The following RBFOX3 variants were observed in gnomAD, a reference collection of about 807,000 sequenced individuals.
The protein encoded by RBFOX3 is RNA binding fox-1 homolog 3, also known as RNA binding protein fox-1 homolog 3.
Under a neutral mutation model 48.7 loss-of-function variants are expected in RBFOX3, and 17 were observed. That is an observed-to-expected ratio of 0.35 (90% CI 0.24 to 0.52). The LOEUF is 0.52. Ranked by LOEUF, RBFOX3 falls within the 20% of genes least tolerant of loss-of-function variation. The probability of loss-of-function intolerance (pLI) is 0.94; values close to 1 mark genes in which losing one functional copy is unlikely to be tolerated. For synonymous variants in RBFOX3, 212 were observed against 209.5 expected, an observed-to-expected ratio of 1.01 and a Z score of -0.10; for missense variants, 382 against 497.5, an observed-to-expected ratio of 0.77 and a Z score of 2.21.
At chr17:79,508,712 G>C (rs1437584339) in intron 1 of RBFOX3, 1 of 152,096 alleles carries the variant, frequency 6.6e-6, no homozygotes, top group Admixed American at 6.6e-5. Context: ...GAGCCCACCC[G>C]GTATACCGTG....
intron 3 of RBFOX3, among the ~76,000 whole-genome samples, chr17:79,241,414 C>G (rs2062358080): frequency 6.6e-6 from 1 of 152,082 alleles, no homozygotes; most frequent in Non-Finnish European, 1.5e-5. Flanking sequence ...CTTCTTAACT[C>G]CATTGGCAAG....
At chr17:79,417,637 C>A (rs1047041461) in intron 2 of RBFOX3, among the ~76,000 whole-genome samples, 15 of 152,176 alleles carry the variant, frequency 9.9e-5, no homozygotes, top group African/African-American at 3.6e-4. Flanking sequence ...TGGAAGATGG[C>A]GCCGCTGCTG....
Position 79,335,144 on chromosome 17 carries a change from G to A in RBFOX3, c.-174-27320C>T, listed in dbSNP as rs538887155. Among the ~76,000 whole-genome samples, 3 of 145,496 alleles carry A rather than the reference G, an allele frequency of 2.1e-5. No individual in the cohort carries two copies. In the South Asian group the frequency reaches 6.6e-4, roughly 32 times the overall value. ...TGTGGGCCTCTCCCTGTGTAGACGA[G>A]GCTGCCAGAGGATGGGGCTGGCTGG... is the stretch of plus-strand genomic sequence containing the variant. On this transcript the variant is annotated intron_variant, in intron 2 of 14. Transcript: ENST00000693108.
intron 1 of RBFOX3, among the ~76,000 whole-genome samples, chr17:79,597,647 G>A (rs1246915618): frequency 6.6e-6 from 1 of 152,206 alleles, no homozygotes; most frequent in Non-Finnish European, 1.5e-5. Flanking sequence ...ACACTTAGAA[G>A]GTACCGCCTG....
chr17:79,237,159 G>A (rs770068496), intron 3 of RBFOX3, among the ~76,000 whole-genome samples: 2 of 152,134 alleles, frequency 1.3e-5, no homozygotes, highest in African/African-American at 2.4e-5. Flanking sequence ...GTATGTGTGC[G>A]TATTTTTTAA....
chr17:79,604,566 C>T (rs1422713391), intron 1 of RBFOX3, among the ~76,000 whole-genome samples: 1 of 152,240 alleles, frequency 6.6e-6, no homozygotes, highest in East Asian at 1.9e-4. Context: ...GGAACAGACC[C>T]TGGAGCTTCA....
At position 79,483,458 on chromosome 17, in the gene RBFOX3, C is replaced by CCCTG. The variant is rs1598889451; in HGVS notation, c.-319-864_-319-861dup. Among the ~76,000 whole-genome samples, 17 of 124,878 alleles carry CCCTG rather than the reference C, an allele frequency of 1.4e-4. No individual in the cohort carries two copies. The South Asian group carries it at 2.2e-3, about 16-fold the overall frequency. The allele number at this position is 124,878 out of a possible 152,430, so 81.9% of individuals were successfully genotyped here. The stretch of plus-strand genomic sequence containing the variant: ...TGCAGGCCTCCCTCCCTCCCTCCCT[C>CCCTG]CCTGCCTGCCTGCCTACCTGCCTCG... On this transcript the variant is annotated intron_variant, in intron 1 of 14. Coordinates refer to ENST00000693108, the MANE Select transcript of RBFOX3 (RefSeq NM_001350451.2).
intron 9 of RBFOX3, chr17:79,098,549 T>C (rs943265023): frequency 6.6e-6 from 1 of 152,140 alleles, no homozygotes; most frequent in Non-Finnish European, 1.5e-5. Flanking sequence ...GAGCCAGGGA[T>C]CCCAGCCTGT....
the RBFOX3 span, among the ~76,000 whole-genome samples, chr17:79,620,084 AGCACATGCACACATGTGTGCATGCAC>A: frequency 3.2e-5 from 4 of 125,274 alleles, no homozygotes; most frequent in African/African-American, 1.3e-4. Flanking sequence ...CATGCACACA[AGCACATGCACACATGTGTGCATGCAC>A]GCATATGCAC....
At chr17:79,530,360 C>T (rs1326144625) in intron 1 of RBFOX3, among the ~76,000 whole-genome samples, 3 of 152,310 alleles carry the variant, frequency 2.0e-5, no homozygotes, top group South Asian at 4.1e-4. Context: ...AAATCCCCCA[C>T]GCATGGCACC....
chr17:79,104,100 C>T lies in RBFOX3; in HGVS notation c.387G>A (p.Glu129=). ...FGQFGKILDV[E]IIFNERGSKG... ...TGGAGCCCCGCTCGTTAAAAATGATCTCCACGTCTAAAATTTTTCCGAATT... is the reference window on the plus strand; with the variant it reads ...TGGAGCCCCGCTCGTTAAAAATGATTTCCACGTCTAAAATTTTTCCGAATT... Residue 129 remains glutamate (E), a synonymous_variant, in exon 7 of 15, where the codon GAG becomes GAA. Transcript: ENST00000693108. 1.3e-6 allele frequency: 2 copies of T among 1,551,328 alleles called. No homozygotes were observed. Among genetic ancestry groups the T allele is most frequent in the Non-Finnish European group, 1.7e-6 (2 of 1,146,922 alleles).
Position 79,364,311 on chromosome 17 carries a change from G to A in RBFOX3, c.-174-56487C>T, listed in dbSNP as rs1049717526. 6.6e-6 allele frequency among the ~76,000 whole-genome samples: 1 copy of A among 152,242 alleles called. No individual in the cohort carries two copies. Among genetic ancestry groups the A allele is most frequent in the Admixed American group, 6.5e-5 (1 of 15,286 alleles). On this transcript the variant is annotated intron_variant, in intron 2 of 14. Coordinates refer to ENST00000693108, the MANE Select transcript of RBFOX3 (RefSeq NM_001350451.2). The surrounding 1 kb of genome is among the most constrained non-coding windows in gnomAD (Gnocchi z 5.1). The stretch of plus-strand genomic sequence containing the variant: ...CATTTCCTGTTGTTCCTGGCATGCT[G>A]TTTTAGGACAGTCCTGAACTGGACT...
At chr17:79,286,278 T>C (rs1443800244) in intron 3 of RBFOX3, among the ~76,000 whole-genome samples, 4 of 152,176 alleles carry the variant, frequency 2.6e-5, no homozygotes, top group Non-Finnish European at 5.9e-5. Flanking sequence ...TTAGAGAGCC[T>C]GGTAATTCCT....
intron 5 of RBFOX3, among the ~76,000 whole-genome samples, chr17:79,110,585 G>A (rs1198544451): frequency 6.6e-6 from 1 of 152,182 alleles, no homozygotes; most frequent in East Asian, 1.9e-4. Context: ...AGACCTCCTA[G>A]GCACTCAGGC....
intron 4 of RBFOX3, among the ~76,000 whole-genome samples, chr17:79,231,666 A>T (rs2061050222): frequency 6.6e-6 from 1 of 152,240 alleles, no homozygotes; most frequent in Admixed American, 6.5e-5. Context: ...AATCAATCAG[A>T]AATTGAAAGA....
chr17:79,639,027 T>C, the RBFOX3 span, among the ~76,000 whole-genome samples: 1 of 152,048 alleles, frequency 6.6e-6, no homozygotes, highest in Non-Finnish European at 1.5e-5. Flanking sequence ...CAAAAACCAC[T>C]CAACAAAGAA....
At chr17:79,581,195 C>T (rs2093046199) in intron 1 of RBFOX3, among the ~76,000 whole-genome samples, 1 of 152,166 alleles carries the variant, frequency 6.6e-6, no homozygotes, top group Non-Finnish European at 1.5e-5. Context: ...TTGCAGTGAG[C>T]CGAGATCGTG....
chr17:79,402,598 C>T (rs1431899935), intron 2 of RBFOX3, among the ~76,000 whole-genome samples: 2 of 152,328 alleles, frequency 1.3e-5, no homozygotes, highest in African/African-American at 4.8e-5. Context: ...GGGGACCCCA[C>T]TGCACAGGAA....
chr17:79,502,478 G>A (rs1252587690), intron 1 of RBFOX3, among the ~76,000 whole-genome samples: 12 of 152,308 alleles, frequency 7.9e-5, no homozygotes, highest in African/African-American at 2.6e-4. Context: ...GTCACTGAAC[G>A]GGCCACTTTA....
Sources: allele counts gnomAD v4.1 joint callset (sites outside exome capture counted in the v4.1 genomes callset), GRCh38; gene constraint gnomAD v4.1.1; non-coding constraint Gnocchi (gnomAD v3.1); transcripts MANE v1.5; gene names NCBI Gene and HGNC (gene_info 2026-07-23, HGNC 2026-07-21).